The following PELP1 variants were observed in gnomAD, a reference collection of about 807,000 sequenced individuals.
PELP1 encodes the protein proline-, glutamic acid- and leucine-rich protein 1.
PELP1 carries 32 observed loss-of-function variants against 95.5 expected under a neutral mutation model. The ratio of observed to expected loss-of-function variants is 0.34; its 90% CI spans 0.25 to 0.45. The LOEUF (loss-of-function observed/expected upper bound fraction) is 0.45, where lower values mean the gene tolerates loss of function less well. Ranked by LOEUF, PELP1 falls within the 20% of genes least tolerant of loss-of-function variation. PELP1 has a pLI of 1.00. For missense variants in PELP1, 1,358 were observed against 1,444.8 expected (o/e 0.94, Z 0.97); for synonymous variants, 668 against 600.1 (o/e 1.11, Z -1.65).
intron 4 of PELP1, 47 bp from the exon 5 acceptor site, chr17:4,682,620 C>T: frequency 6.6e-7 from 1 of 1,517,964 alleles, no homozygotes; most frequent in Non-Finnish European, 9.2e-7. Context: ...AGCACCATGT[C>T]ACCATATTCC....
chr17:4,675,952 A>T lies in PELP1; in HGVS notation c.981-68T>A, dbSNP rs1912451273. The T allele has an allele frequency of 1.9e-6, 3 of 1,593,096 alleles. No homozygotes were observed. The East Asian group carries it at 6.7e-5, about 36-fold the overall frequency. ...TGGCATAACTCCCACACCCACCTTC[A>T]TCTCCTTTCTCCTGATGAAGGCGAC... On this transcript the variant is annotated intron_variant, in intron 8 of 16. Transcript: ENST00000572293. The surrounding 1 kb of genome is among the most constrained non-coding windows in gnomAD (Gnocchi z 4.3).
chr17:4,696,412 T>C (rs1913300790), intron 1 of PELP1, among the ~76,000 whole-genome samples: 3 of 151,996 alleles, frequency 2.0e-5, no homozygotes, highest in Non-Finnish European at 4.4e-5. Context: ...AGGAGACAAA[T>C]TGTTGATGGA....
rs1350693730 is a variant in PELP1 at position 4,675,603 on chromosome 17, G to A, written c.1068+194C>T. The A allele has an allele frequency of 1.8e-5, 13 of 711,684 alleles. No individual in the cohort carries two copies. Among genetic ancestry groups the A allele is most frequent in the Non-Finnish European group, 3.1e-5 (12 of 389,564 alleles). 44.1% of individuals were successfully genotyped at this position (711,684 alleles called of 1,614,324 possible). A position where few individuals can be genotyped will look rare whatever the true frequency, so the allele number is the denominator to read the frequency against. ...ATCCCCAAATTCACCCTCCCCCAAGGAAGCATTTGCTACACTCTGACACTG... is the reference window on the plus strand; with the variant it reads ...ATCCCCAAATTCACCCTCCCCCAAGAAAGCATTTGCTACACTCTGACACTG... On this transcript the variant is annotated intron_variant, in intron 9 of 16. Transcript: ENST00000572293. The surrounding 1 kb of genome is among the most constrained non-coding windows in gnomAD (Gnocchi z 4.3).
Position 4,691,148 on chromosome 17 carries a change from C to G in PELP1, c.315-155G>C, listed in dbSNP as rs139684575. 745 of 663,372 alleles carry G rather than the reference C, an allele frequency of 1.1e-3. 3 individuals are homozygous for G. In the Middle Eastern group the frequency reaches 0.017, roughly 15 times the overall value. The allele number at this position is 663,372 out of a possible 1,614,324, so 41.1% of individuals were successfully genotyped here. A position where few individuals can be genotyped will look rare whatever the true frequency, so the allele number is the denominator to read the frequency against. On this transcript the variant is annotated intron_variant, in intron 2 of 16. Transcript: ENST00000572293. The stretch of plus-strand genomic sequence containing the variant: ...AATACTTGGAATGAGGTGGAAGAAG[C>G]AAAGAAAGAAGGGAGCAGAGGTAAT...
intron 1 of PELP1, among the ~76,000 whole-genome samples, chr17:4,700,519 C>T (rs1035512527): frequency 6.6e-6 from 1 of 152,086 alleles, no homozygotes; most frequent in African/African-American, 2.4e-5. Context: ...TGGCAGGTGC[C>T]TGTAATCCCA....
intron 1 of PELP1, among the ~76,000 whole-genome samples, chr17:4,700,066 G>A (rs1913462446): frequency 1.3e-5 from 2 of 151,722 alleles, no homozygotes; most frequent in African/African-American, 2.4e-5. Context: ...CTGCCACTGC[G>A]CCTGGCTAAT....
intron 5 of PELP1, among the ~76,000 whole-genome samples, chr17:4,678,903 A>G (rs1912598558): frequency 6.6e-6 from 1 of 152,192 alleles, no homozygotes; most frequent in Non-Finnish European, 1.5e-5. Context: ...CCTAAGTACT[A>G]GTCTGCGAGA....
At chr17:4,697,827 T>C (rs921561196) in intron 1 of PELP1, among the ~76,000 whole-genome samples, 3 of 151,574 alleles carry the variant, frequency 2.0e-5, no homozygotes, top group African/African-American at 7.3e-5. Context: ...TTAAAATGAG[T>C]GGGTGAAAGG....
chr17:4,674,876 C>T lies in PELP1; in HGVS notation c.1355G>A (p.Gly452Glu), dbSNP rs776286771. Residue 452 changes from glycine to glutamate, a missense_variant, in exon 12 of 17, where the codon GGA becomes GAA. Gly to Glu is a moderately conservative substitution (Grantham distance 98). Transcript: ENST00000572293. ...CGASAGMLQG[G>E]ASGEALLTHL... ...GGTGAGCAGGGCCTCTCCAGAGGCT[C>T]CTCCCTGAAGCATTCCCGCCGAGGC... 9.9e-6 allele frequency: 16 copies of T among 1,613,682 alleles called. No homozygotes were observed. Among genetic ancestry groups the T allele is most frequent in the Admixed American group, 3.3e-5 (2 of 60,014 alleles).
intron 3 of PELP1, among the ~76,000 whole-genome samples, chr17:4,687,648 T>C (rs924696946): frequency 3.9e-5 from 6 of 152,050 alleles, no homozygotes; most frequent in Non-Finnish European, 8.8e-5. Flanking sequence ...CAATAGAAAC[T>C]ATATGTGGTT....
chr17:4,687,183 C>CTA (rs1292705689), intron 3 of PELP1, among the ~76,000 whole-genome samples: 1 of 152,200 alleles, frequency 6.6e-6, no homozygotes, highest in Non-Finnish European at 1.5e-5. Flanking sequence ...TTTCCAAGAA[C>CTA]TATAGTCTTT....
intron 3 of PELP1, among the ~76,000 whole-genome samples, chr17:4,687,761 T>C (rs11871296): frequency 0.98 from 148,920 of 152,296 alleles, 72,893 homozygotes; most frequent in Middle Eastern, 1. Context: ...TCACTGTCTC[T>C]CCAGAGCTTG....
At chr17:4,676,188 C>A (rs904536562) in intron 7 of PELP1, 26 bp from the exon 8 acceptor site, 2 of 1,611,148 alleles carry the variant, frequency 1.2e-6, no homozygotes, top group Non-Finnish European at 1.7e-6. Flanking sequence ...CTACCCTGTA[C>A]ACTGTCTTTC....
chr17:4,674,164 G>C (rs760840651), intron 13 of PELP1, among the ~76,000 whole-genome samples: 1 of 152,228 alleles, frequency 6.6e-6, no homozygotes, highest in East Asian at 1.9e-4. Flanking sequence ...CACCAAGGAC[G>C]TGCTGAACGC....
rs566039757 is a variant in PELP1 at position 4,689,320 on chromosome 17, C to T, written c.420+1568G>A. 2.5e-4 allele frequency among the ~76,000 whole-genome samples: 38 copies of T among 152,222 alleles called. No homozygotes were observed. The East Asian group carries it at 6.0e-3, about 24-fold the overall frequency. ...ACCAAGAATCCAAAAGCAACAAAAA[C>T]AAAGATAAATAGATGGGACTTAACT... is the stretch of plus-strand genomic sequence containing the variant. On this transcript the variant is annotated intron_variant, in intron 3 of 16. Coordinates refer to ENST00000572293, the MANE Select transcript of PELP1 (RefSeq NM_014389.3).
chr17:4,696,348 A>C (rs1913297084), intron 1 of PELP1, among the ~76,000 whole-genome samples: 1 of 152,174 alleles, frequency 6.6e-6, no homozygotes, highest in East Asian at 1.9e-4. Flanking sequence ...AGAAAAATAA[A>C]AAGAGCGAAG....
intron 2 of PELP1, 95 bp from the exon 3 acceptor site, chr17:4,691,088 T>C: frequency 1.1e-6 from 1 of 875,232 alleles, no homozygotes; most frequent in Non-Finnish European, 1.9e-6. Flanking sequence ...CAGCAAGACT[T>C]CATCCCCAGA....
At chr17:4,684,934 C>T (rs1286992430) in intron 3 of PELP1, among the ~76,000 whole-genome samples, 9 of 152,070 alleles carry the variant, frequency 5.9e-5, no homozygotes, top group Non-Finnish European at 1.3e-4. Flanking sequence ...TTCCTGACCT[C>T]GTTATCTGCC....
intron 1 of PELP1, among the ~76,000 whole-genome samples, chr17:4,701,440 A>G (rs1913531755): frequency 6.6e-6 from 1 of 152,182 alleles, no homozygotes; most frequent in South Asian, 2.1e-4. Flanking sequence ...CAGGATCAGA[A>G]TTTTACTTTA....
Sources: gnomAD v4.1 joint callset for allele counts (sites outside exome capture counted in the v4.1 genomes callset) on GRCh38, gnomAD v4.1.1 for gene constraint, Gnocchi (gnomAD v3.1) non-coding constraint, MANE v1.5 for transcripts, NCBI Gene and HGNC (gene_info 2026-07-23, HGNC 2026-07-21) for gene names.